SRBD1: variants seen among roughly 807,000 people sequenced by gnomAD.
SRBD1 encodes the protein S1 RNA-binding domain-containing protein 1.
SRBD1 carries 88 observed loss-of-function variants against 115.3 expected under a neutral mutation model. That is an observed-to-expected ratio of 0.76 (90% CI 0.64 to 0.91). SRBD1 has a LOEUF of 0.91. Ranked by LOEUF, SRBD1 falls within the 40% of genes least tolerant of loss-of-function variation. The pLI, the probability that SRBD1 is intolerant of heterozygous loss-of-function variation, is 0.00. For missense variants in SRBD1, 1,385 were observed against 1,177.4 expected (o/e 1.18, Z -2.58); for synonymous variants, 509 against 407.7 (o/e 1.25, Z -2.99).
chr2:45,447,915 C>A (rs1187890727), intron 16 of SRBD1: 1 of 152,094 alleles, frequency 6.6e-6, no homozygotes, highest in Non-Finnish European at 1.5e-5. Context: ...TCTTAACATA[C>A]AACATACAAC....
intron 13 of SRBD1, 127 bp from the exon 14 acceptor site, chr2:45,546,966 T>C: frequency 1.2e-6 from 1 of 815,772 alleles, no homozygotes; most frequent in Non-Finnish European, 2.0e-6. Context: ...ACAAGCAACC[T>C]GTCCACTGTT....
At chr2:45,594,055 C>G (rs558431816) in intron 4 of SRBD1, among the ~76,000 whole-genome samples, 1 of 152,250 alleles carries the variant, frequency 6.6e-6, no homozygotes, top group East Asian at 1.9e-4. Flanking sequence ...ATAAACACTA[C>G]CAACTAAATT....
chr2:45,414,622 CATAGTGTGTAT>C (rs1337009636), intron 18 of SRBD1, among the ~76,000 whole-genome samples: 13 of 128,062 alleles, frequency 1.0e-4, no homozygotes, highest in Admixed American at 2.2e-4. Context: ...TGTGTACACA[CATAGTGTGTAT>C]ATAGTGTGTA....
At position 45,475,040 on chromosome 2, in the gene SRBD1, A is replaced by T. The variant is rs1299048368; in HGVS notation, c.2049+1953T>A. Among the ~76,000 whole-genome samples the T allele has an allele frequency of 2.0e-5, 3 of 152,230 alleles. No individual in the cohort carries two copies. The East Asian group carries it at 5.8e-4, about 29-fold the overall frequency. Reference sequence around the variant, plus strand: ...CCAATGTTAATATGGCTATTTTTTTAAATCTCAGACTCATATATCCAACTC... The same window carrying T: ...CCAATGTTAATATGGCTATTTTTTTTAATCTCAGACTCATATATCCAACTC... On this transcript the variant is annotated intron_variant, in intron 16 of 20. Coordinates refer to ENST00000263736, the MANE Select transcript of SRBD1 (RefSeq NM_018079.5).
rs769055717 is a variant in SRBD1 at position 45,547,604 on chromosome 2, G to C, written c.1684C>G (p.Leu562Val). Reference sequence around the variant, plus strand: ...TGCAAGTAAACCACATCAGTATGAAGTATCTGACCTTTAAAAAATGAAAAG... The same window carrying C: ...TGCAAGTAAACCACATCAGTATGAACTATCTGACCTTTAAAAAATGAAAAG... ...LAIISPTSQI[L>V]HTDVVYLHCG... The change falls in exon 13 of 21, where the codon CTT becomes GTT. Residue 562 changes from leucine (L) to valine (V), a missense_variant. Physicochemically the swap from Leu to Val is conservative, Grantham distance 32 (BLOSUM62 1). Transcript: ENST00000263736. 2 of 1,608,004 alleles carry C rather than the reference G, an allele frequency of 1.2e-6. No homozygotes were observed. The highest frequency in any genetic ancestry group is 1.7e-6 in the Non-Finnish European group (2 of 1,178,048).
intron 9 of SRBD1, among the ~76,000 whole-genome samples, chr2:45,567,777 A>G (rs1672879176): frequency 6.6e-6 from 1 of 152,228 alleles, no homozygotes; most frequent in African/African-American, 2.4e-5. Flanking sequence ...GAAGTTCTTC[A>G]TACAAGAAAT....
At chr2:45,470,047 A>G (rs1158975432) in intron 16 of SRBD1, among the ~76,000 whole-genome samples, 1 of 152,162 alleles carries the variant, frequency 6.6e-6, no homozygotes, top group Non-Finnish European at 1.5e-5. Flanking sequence ...CACCTAGGTG[A>G]CCGGGCATGG....
chr2:45,487,083 T>C (rs913014620), intron 15 of SRBD1, among the ~76,000 whole-genome samples: 1 of 152,154 alleles, frequency 6.6e-6, no homozygotes, highest in African/African-American at 2.4e-5. Flanking sequence ...AATTATGTCA[T>C]GAAACAACTA....
chr2:45,489,344 T>C (rs1670222811), intron 14 of SRBD1, among the ~76,000 whole-genome samples: 1 of 152,206 alleles, frequency 6.6e-6, no homozygotes, highest in Non-Finnish European at 1.5e-5. Context: ...GCAAATTTAA[T>C]GGATGACATG....
chr2:45,526,670 A>T (rs1173682151), intron 14 of SRBD1, among the ~76,000 whole-genome samples: 11 of 152,100 alleles, frequency 7.2e-5, no homozygotes, highest in South Asian at 2.1e-4. Context: ...AAAAACAATA[A>T]AAAAAATCAG....
chr2:45,418,599 T>C lies in SRBD1; in HGVS notation c.2157-58A>G, dbSNP rs1667904861. ...GATCTCATCTGAAAAGACAATGATA[T>C]AAAACATTTGGATCATAAAAACGAC... is the stretch of plus-strand genomic sequence containing the variant. On this transcript the variant is annotated intron_variant, in intron 17 of 20. Coordinates refer to ENST00000263736, the MANE Select transcript of SRBD1 (RefSeq NM_018079.5). 12 of 1,381,290 alleles carry C rather than the reference T, an allele frequency of 8.7e-6. No individual in the cohort carries two copies. In the South Asian group the frequency reaches 1.2e-4, roughly 13 times the overall value. The allele number at this position is 1,381,290 out of a possible 1,614,324, so 85.6% of individuals were successfully genotyped here.
chr2:45,567,213 T>C (rs565294266), intron 9 of SRBD1, among the ~76,000 whole-genome samples: 184 of 152,270 alleles, frequency 1.2e-3, no homozygotes, highest in African/African-American at 4.1e-3. Flanking sequence ...ATCAAACAAA[T>C]TGTCAGAGTT....
chr2:45,528,907 G>A (rs1671531271), intron 14 of SRBD1, among the ~76,000 whole-genome samples: 1 of 151,898 alleles, frequency 6.6e-6, no homozygotes, highest in Non-Finnish European at 1.5e-5. Context: ...AGAGGCTGCT[G>A]GGTTAAACAT....
At chr2:45,431,750 C>G (rs1299547436) in intron 16 of SRBD1, among the ~76,000 whole-genome samples, 4 of 152,008 alleles carry the variant, frequency 2.6e-5, no homozygotes, top group African/African-American at 9.7e-5. Flanking sequence ...ATGTGCTGTA[C>G]ATGTATCCCA....
At chr2:45,409,770 T>G (rs1298545688) in intron 19 of SRBD1, among the ~76,000 whole-genome samples, 1 of 152,132 alleles carries the variant, frequency 6.6e-6, no homozygotes, top group African/African-American at 2.4e-5. Flanking sequence ...TTTACAATAG[T>G]GTTGAAAAAC....
chr2:45,564,226 T>C (rs1672756748), intron 9 of SRBD1, among the ~76,000 whole-genome samples: 1 of 152,128 alleles, frequency 6.6e-6, no homozygotes, highest in African/African-American at 2.4e-5. Flanking sequence ...TGGAAAAACA[T>C]CTGACAAAAT....
intron 12 of SRBD1, 32 bp from the exon 13 acceptor site, chr2:45,547,644 T>C (rs781450379): frequency 3.8e-6 from 6 of 1,562,504 alleles, no homozygotes; most frequent in South Asian, 1.2e-5. Context: ...AGCCATTTTA[T>C]AAGAAATTAC....
At chr2:45,404,956 T>C (rs1365522863) in intron 19 of SRBD1, among the ~76,000 whole-genome samples, 1 of 152,108 alleles carries the variant, frequency 6.6e-6, no homozygotes, top group Non-Finnish European at 1.5e-5. Flanking sequence ...TCTCTAGATA[T>C]CTGCACAGCT....
At chr2:45,433,970 T>C (rs961242489) in intron 16 of SRBD1, among the ~76,000 whole-genome samples, 1 of 152,222 alleles carries the variant, frequency 6.6e-6, no homozygotes, top group Non-Finnish European at 1.5e-5. Context: ...GGAAGGATTT[T>C]TTCCAGATCC....
Sources: allele counts gnomAD v4.1 joint callset (sites outside exome capture counted in the v4.1 genomes callset), GRCh38; gene constraint gnomAD v4.1.1; transcripts MANE v1.5; gene names NCBI Gene and HGNC (gene_info 2026-07-23, HGNC 2026-07-21).